PTPRD: variants seen among roughly 807,000 people sequenced by gnomAD.
PTPRD encodes receptor-type tyrosine-protein phosphatase delta.
In PTPRD, 34 loss-of-function variants were observed where a neutral mutation model predicts 214.5. That is an observed-to-expected ratio of 0.16 (90% CI 0.12 to 0.21). The LOEUF (loss-of-function observed/expected upper bound fraction) is 0.21, where lower values mean the gene tolerates loss of function less well. Ranked by LOEUF, PTPRD falls within the 10% of genes least tolerant of loss-of-function variation. The pLI, the probability that PTPRD is intolerant of heterozygous loss-of-function variation, is 1.00. For missense variants in PTPRD, 2,545 were observed against 2,398.7 expected, an observed-to-expected ratio of 1.06 and a Z score of -1.27; for synonymous variants, 1,128 against 845.7, an observed-to-expected ratio of 1.33 and a Z score of -5.79.
chr9:9,789,452 C>T (rs1277776297), intron 5 of PTPRD, among the ~76,000 whole-genome samples: 1 of 152,148 alleles, frequency 6.6e-6, no homozygotes, highest in Non-Finnish European at 1.5e-5. Flanking sequence ...TGTTCACAGG[C>T]CAAGACACTC....
intron 7 of PTPRD, among the ~76,000 whole-genome samples, chr9:9,675,827 C>T (rs1169545411): frequency 1.3e-5 from 2 of 151,888 alleles, no homozygotes; most frequent in Admixed American, 6.6e-5. Context: ...ATAAAAACAT[C>T]GACCTAATCT....
intron 12 of PTPRD, among the ~76,000 whole-genome samples, chr9:8,667,420 C>T (rs1394478114): frequency 6.6e-6 from 1 of 152,112 alleles, no homozygotes; most frequent in Non-Finnish European, 1.5e-5. Context: ...TCAACATATC[C>T]TCATGTACTG....
chr9:10,383,451 G>A (rs1309250578), intron 2 of PTPRD, among the ~76,000 whole-genome samples: 2 of 151,718 alleles, frequency 1.3e-5, no homozygotes, highest in Admixed American at 1.3e-4. Context: ...CCTTTCTTCT[G>A]CAATAAATGC....
chr9:10,120,272 G>T (rs931782675), intron 3 of PTPRD, among the ~76,000 whole-genome samples: 4 of 151,562 alleles, frequency 2.6e-5, no homozygotes, highest in African/African-American at 4.9e-5. Flanking sequence ...ATCAATAAAA[G>T]AAATAATAAT....
At chr9:10,419,994 T>C (rs956238738) in intron 2 of PTPRD, among the ~76,000 whole-genome samples, 12 of 151,890 alleles carry the variant, frequency 7.9e-5, no homozygotes, top group African/African-American at 2.7e-4. Context: ...AATTTATTGA[T>C]TGGAAAAAAA....
At chr9:9,778,400 A>G (rs2098816050) in intron 5 of PTPRD, among the ~76,000 whole-genome samples, 1 of 152,184 alleles carries the variant, frequency 6.6e-6, no homozygotes, top group African/African-American at 2.4e-5. Context: ...ACAGGCCTTC[A>G]GGTGGTGTGT....
chr9:9,781,953 C>A (rs1029480722), intron 5 of PTPRD, among the ~76,000 whole-genome samples: 2 of 152,054 alleles, frequency 1.3e-5, no homozygotes, highest in East Asian at 3.9e-4. Flanking sequence ...CTACCACGCC[C>A]GGCTAATTTT....
intron 3 of PTPRD, among the ~76,000 whole-genome samples, chr9:10,290,648 T>A (rs2095500999): frequency 6.6e-6 from 1 of 152,120 alleles, no homozygotes; most frequent in Non-Finnish European, 1.5e-5. Context: ...TTATTTTTGG[T>A]TTTAATTAAG....
chr9:8,562,724 A>G (rs1306554880), intron 14 of PTPRD, among the ~76,000 whole-genome samples: 2 of 152,190 alleles, frequency 1.3e-5, no homozygotes, highest in Non-Finnish European at 2.9e-5. Flanking sequence ...GGCCTGAGCC[A>G]CTGTGCCTGG....
chr9:8,460,178 A>G (rs2296097), intron 33 of PTPRD: 149,976 of 550,182 alleles, frequency 0.27, 22,229 homozygotes, highest in African/African-American at 0.49. Context: ...ATTGGAGGCC[A>G]GAATAGATGC....
chr9:10,012,362 G>T (rs1340698965), intron 4 of PTPRD, among the ~76,000 whole-genome samples: 1 of 150,266 alleles, frequency 6.7e-6, no homozygotes, highest in East Asian at 2.0e-4. Context: ...AAAGCAGATG[G>T]AAAAAAAAAT....
chr9:8,633,283 T>C lies in PTPRD; in HGVS notation c.352+34A>G, dbSNP rs933149672. On this transcript the variant is annotated intron_variant, in intron 14 of 45. Coordinates refer to ENST00000381196, the MANE Select transcript of PTPRD (RefSeq NM_002839.4). Reference sequence around the variant, plus strand: ...CAAAAGAGATACAGAATTGTAACAATGACACAAACGACAACCTTCACTTGA... The same window carrying C: ...CAAAAGAGATACAGAATTGTAACAACGACACAAACGACAACCTTCACTTGA... 5 of 1,600,796 alleles carry C rather than the reference T, an allele frequency of 3.1e-6. No individual in the cohort carries two copies. In the African/African-American group the frequency reaches 5.4e-5, roughly 17 times the overall value.
intron 37 of PTPRD, among the ~76,000 whole-genome samples, chr9:8,384,672 G>A (rs117618475): frequency 0.07 from 10,722 of 152,102 alleles, 482 homozygotes; most frequent in Non-Finnish European, 0.096. Flanking sequence ...GATTACAGGC[G>A]TGTGCCATTA....
chr9:8,508,981 A>C (rs1459854512), intron 21 of PTPRD, among the ~76,000 whole-genome samples: 2 of 151,766 alleles, frequency 1.3e-5, no homozygotes, highest in African/African-American at 4.8e-5. Flanking sequence ...AGTGCTTCAT[A>C]TTTCTAGTTG....
At chr9:10,058,612 G>A (rs2097701818) in intron 3 of PTPRD, among the ~76,000 whole-genome samples, 1 of 152,024 alleles carries the variant, frequency 6.6e-6, no homozygotes, top group Non-Finnish European at 1.5e-5. Flanking sequence ...AGACTAAGGT[G>A]GTAGTGTTTG....
At chr9:9,822,470 T>C (rs1191580566) in intron 5 of PTPRD, among the ~76,000 whole-genome samples, 1 of 147,978 alleles carries the variant, frequency 6.8e-6, no homozygotes, top group Non-Finnish European at 1.5e-5. Context: ...ATATATGTAA[T>C]ATATACATAA....
chr9:9,618,352 T>C (rs574077784), intron 7 of PTPRD, among the ~76,000 whole-genome samples: 165 of 152,068 alleles, frequency 1.1e-3, no homozygotes, highest in African/African-American at 4.0e-3. Context: ...GAGACTACAC[T>C]TTAACCTCTT....
intron 3 of PTPRD, among the ~76,000 whole-genome samples, chr9:10,268,529 C>A (rs1019347264): frequency 8.5e-5 from 13 of 152,050 alleles, no homozygotes; most frequent in Non-Finnish European, 1.6e-4. Context: ...TACCAAGTAA[C>A]TTTTGATCCT....
At chr9:8,564,706 A>AC (rs2088157012) in intron 14 of PTPRD, among the ~76,000 whole-genome samples, 2 of 152,162 alleles carry the variant, frequency 1.3e-5, no homozygotes, top group South Asian at 4.1e-4. Context: ...GTCTCAAAAA[A>AC]ATTAAAAGTT....
Sources: gnomAD v4.1 joint callset for allele counts (sites outside exome capture counted in the v4.1 genomes callset) on GRCh38, gnomAD v4.1.1 for gene constraint, MANE v1.5 for transcripts, NCBI Gene and HGNC (gene_info 2026-07-23, HGNC 2026-07-21) for gene names.